The following COL19A1 variants were observed in gnomAD, a reference collection of about 807,000 sequenced individuals.
COL19A1 encodes the protein collagen alpha-1(XIX) chain.
In COL19A1, 159 loss-of-function variants were observed where a neutral mutation model predicts 190.2. The ratio of observed to expected loss-of-function variants is 0.84; its 90% CI spans 0.73 to 0.95. The LOEUF (loss-of-function observed/expected upper bound fraction) is 0.95. Among genes scored for constraint, COL19A1 ranks in the 40% least tolerant of loss-of-function variants. The pLI is 0.00. For missense variants in COL19A1, 1,418 were observed against 1,431.9 expected (o/e 0.99, Z 0.16); for synonymous variants, 509 against 458.9 (o/e 1.11, Z -1.39).
chr6:70,101,416 G>A (rs1449862294), intron 15 of COL19A1, among the ~76,000 whole-genome samples: 1 of 152,110 alleles, frequency 6.6e-6, no homozygotes, highest in Non-Finnish European at 1.5e-5. Flanking sequence ...TACTTAGAGA[G>A]GTTAGCACAA....
chr6:70,110,655 T>C (rs759504149), intron 16 of COL19A1, among the ~76,000 whole-genome samples: 2 of 152,174 alleles, frequency 1.3e-5, no homozygotes, highest in Non-Finnish European at 2.9e-5. Flanking sequence ...GGATATCAGG[T>C]TGAGATTTTG....
Position 69,928,162 on chromosome 6 carries a change from A to G in COL19A1, c.390+130A>G, listed in dbSNP as rs548943554. On this transcript the variant is annotated intron_variant, in intron 5 of 50. Coordinates refer to ENST00000620364, the MANE Select transcript of COL19A1 (RefSeq NM_001858.6). ...TGTTCTATCCTTTAGAGGGATCATC[A>G]ACAAGAAAATGCAAGTATTCTCGTA... The G allele has an allele frequency of 5.0e-6, 6 of 1,205,842 alleles. No individual in the cohort carries two copies. In the South Asian group the frequency reaches 1.0e-4, roughly 20 times the overall value. 74.7% of individuals were successfully genotyped at this position (1,205,842 alleles called of 1,614,324 possible). A position where few individuals can be genotyped will look rare whatever the true frequency, so the allele number is the denominator to read the frequency against.
chr6:69,882,059 G>T (rs1156836643), intron 2 of COL19A1, among the ~76,000 whole-genome samples: 1 of 152,172 alleles, frequency 6.6e-6, no homozygotes, highest in Non-Finnish European at 1.5e-5. Context: ...ATCTGAGAGA[G>T]AGTCTAGGGT....
intron 14 of COL19A1, among the ~76,000 whole-genome samples, chr6:70,062,285 A>T (rs922206045): frequency 2.6e-5 from 4 of 152,190 alleles, no homozygotes; most frequent in African/African-American, 9.6e-5. Context: ...AACTCTGAGA[A>T]TATTAATCAA....
At chr6:70,200,885 A>T (rs1767506747) in intron 49 of COL19A1, among the ~76,000 whole-genome samples, 1 of 152,192 alleles carries the variant, frequency 6.6e-6, no homozygotes, top group African/African-American at 2.4e-5. Context: ...GAACAGTTAA[A>T]ATCTCTCTAG....
rs577216506 is a variant in COL19A1, at chr6:70,164,580, A to G, written c.2400+1184A>G. On this transcript the variant is annotated intron_variant, in intron 36 of 50. Transcript: ENST00000620364. ...CACTAGCCTTTTTTCTCTGTTCTCT[A>G]TGGAAATTATTCAGTCATAGACTTG... Among the ~76,000 whole-genome samples, 9 of 152,236 alleles carry G rather than the reference A, an allele frequency of 5.9e-5. No homozygotes were observed. The Middle Eastern group carries it at 0.014, about 230-fold the overall frequency.
At chr6:70,109,137 A>T (rs1784136953) in intron 16 of COL19A1, among the ~76,000 whole-genome samples, 1 of 152,118 alleles carries the variant, frequency 6.6e-6, no homozygotes, top group African/African-American at 2.4e-5. Flanking sequence ...AAATAAATAG[A>T]CAAAACAATT....
intron 37 of COL19A1, among the ~76,000 whole-genome samples, chr6:70,167,362 A>G (rs988954328): frequency 1.3e-5 from 2 of 152,352 alleles, no homozygotes; most frequent in Admixed American, 6.5e-5. Flanking sequence ...AAATTTTTAT[A>G]TGGAAATTTT....
chr6:69,945,925 T>C (rs1299588587), intron 9 of COL19A1, among the ~76,000 whole-genome samples: 1 of 152,076 alleles, frequency 6.6e-6, no homozygotes. Context: ...GAATTTGTGA[T>C]AGTGCTTTTA....
intron 16 of COL19A1, among the ~76,000 whole-genome samples, chr6:70,107,831 C>T (rs1784064964): frequency 2.0e-5 from 3 of 152,154 alleles, no homozygotes; most frequent in Admixed American, 6.5e-5. Context: ...CTCTTCCTTG[C>T]TTGTGGGGCT....
chr6:70,086,772 A>G (rs1438346907), intron 15 of COL19A1, among the ~76,000 whole-genome samples: 1 of 152,012 alleles, frequency 6.6e-6, no homozygotes, highest in East Asian at 1.9e-4. Flanking sequence ...GAATGCGATC[A>G]CACTTTTTCT....
Position 70,010,772 on chromosome 6 carries a change from G to A in COL19A1, c.1027-12855G>A, listed in dbSNP as rs1352248835. Among the ~76,000 whole-genome samples the A allele has an allele frequency of 4.7e-5, 5 of 106,668 alleles. 1 individual carries two copies. Among genetic ancestry groups the A allele is most frequent in the Admixed American group, 4.7e-4 (5 of 10,750 alleles). 70.0% of individuals were successfully genotyped at this position (106,668 alleles called of 152,430 possible). A position where few individuals can be genotyped will look rare whatever the true frequency, so the allele number is the denominator to read the frequency against. ...TGAGATCAAACTGCAAGGCGGCAAC[G>A]AGGCTGGGGGAGGGGCGCCCGCCAT... On this transcript the variant is annotated intron_variant, in intron 11 of 50. Transcript: ENST00000620364.
chr6:69,931,692 C>T (rs1772768218), intron 6 of COL19A1, among the ~76,000 whole-genome samples: 1 of 152,048 alleles, frequency 6.6e-6, no homozygotes, highest in Non-Finnish European at 1.5e-5. Context: ...CAAAAAGTTA[C>T]AGAACATAAA....
At chr6:70,036,790 G>T (rs1041436607) in intron 14 of COL19A1, among the ~76,000 whole-genome samples, 1 of 152,050 alleles carries the variant, frequency 6.6e-6, no homozygotes, top group Non-Finnish European at 1.5e-5. Flanking sequence ...ATTATAGAAG[G>T]TCAGATTTTT....
At chr6:70,097,299 G>T (rs1472345088) in intron 15 of COL19A1, among the ~76,000 whole-genome samples, 1 of 152,190 alleles carries the variant, frequency 6.6e-6, no homozygotes, top group Non-Finnish European at 1.5e-5. Context: ...ATCCTCCTGA[G>T]GTTTCCTATG....
intron 15 of COL19A1, among the ~76,000 whole-genome samples, chr6:70,072,719 C>T (rs1781630346): frequency 6.6e-6 from 1 of 152,096 alleles, no homozygotes; most frequent in Non-Finnish European, 1.5e-5. Context: ...GGATTCCTTG[C>T]ATTCTAAACA....
At position 70,162,051 on chromosome 6, in the gene COL19A1, C is replaced by G. The variant is rs897959279; in HGVS notation, c.2346+98C>G. ...TCATTGCCTTTTGTTCTCTGTGCCT[C>G]TATGTAGATTGTCCAGATATTGCCT... On this transcript the variant is annotated intron_variant, in intron 35 of 50. Transcript: ENST00000620364. 5.8e-5 allele frequency: 64 copies of G among 1,097,696 alleles called. 2 individuals are homozygous for G. The South Asian group carries it at 1.1e-3, about 19-fold the overall frequency. 68.0% of individuals were successfully genotyped at this position (1,097,696 alleles called of 1,614,324 possible). A position where few individuals can be genotyped will look rare whatever the true frequency, so the allele number is the denominator to read the frequency against.
intron 12 of COL19A1, 131 bp from the exon 13 acceptor site, chr6:70,034,114 A>G (rs1054126004): frequency 4.4e-6 from 3 of 677,376 alleles, no homozygotes; most frequent in Admixed American, 2.4e-5. Flanking sequence ...AGTTGTCTCT[A>G]TTTCTCTCTA....
chr6:70,042,818 G>A (rs1228536284), intron 14 of COL19A1, among the ~76,000 whole-genome samples: 1 of 152,108 alleles, frequency 6.6e-6, no homozygotes, highest in African/African-American at 2.4e-5. Flanking sequence ...ATTTTCACCA[G>A]GAGTAGATTT....
Sources: allele counts gnomAD v4.1 joint callset (sites outside exome capture counted in the v4.1 genomes callset), GRCh38; gene constraint gnomAD v4.1.1; transcripts MANE v1.5; gene names NCBI Gene and HGNC (gene_info 2026-07-23, HGNC 2026-07-21).